TMPRSS12: variants seen among roughly 807,000 people sequenced by gnomAD.
The protein encoded by TMPRSS12 is transmembrane protease serine 12.
TMPRSS12 carries 25 observed loss-of-function variants against 26.0 expected under a neutral mutation model. That is an observed-to-expected ratio of 0.96 (90% CI 0.70 to 1.34). The LOEUF (loss-of-function observed/expected upper bound fraction) is 1.34. Ranked by LOEUF, TMPRSS12 falls within the 40% of genes most tolerant of loss-of-function variation. The pLI is 0.00. For missense variants in TMPRSS12, 441 were observed against 440.1 expected, an observed-to-expected ratio of 1.00 and a Z score of -0.02; for synonymous variants, 150 against 161.7, an observed-to-expected ratio of 0.93 and a Z score of 0.55.
intron 3 of TMPRSS12, among the ~76,000 whole-genome samples, chr12:50,862,074 C>T (rs751032415): frequency 5.3e-5 from 8 of 152,202 alleles, no homozygotes; most frequent in Non-Finnish European, 1.0e-4. Flanking sequence ...TCCCAAAGTG[C>T]TGGGATTACA....
At chr12:50,863,188 C>A (rs1937954940) in intron 3 of TMPRSS12, among the ~76,000 whole-genome samples, 1 of 151,534 alleles carries the variant, frequency 6.6e-6, no homozygotes, top group Non-Finnish European at 1.5e-5. Context: ...AAAAAGGAAG[C>A]TGGAATGGAA....
chr12:50,857,050 T>C (rs1170591702), intron 2 of TMPRSS12, among the ~76,000 whole-genome samples: 14 of 152,208 alleles, frequency 9.2e-5, no homozygotes, highest in Admixed American at 7.9e-4. Context: ...AAGAATCATT[T>C]ATTACACTTC....
In TMPRSS12 at chr12:50,885,272, G is replaced by A. The variant is rs1330739463; in HGVS notation, c.679G>A (p.Ala227Thr). The change falls in exon 4 of 5, where the codon GCA becomes ACA. Residue 227 changes from alanine (A) to threonine (T), a missense_variant. Coordinates refer to ENST00000398458, the MANE Select transcript of TMPRSS12 (RefSeq NM_182559.3). ...TAACGCTACAAATATTTTACAAGAT[G>A]CAGAAGTGCATTATATTTCTCGAGA... is the stretch of plus-strand genomic sequence containing the variant. Reference protein sequence around the residue: ...EGNATNILQDAEVHYISREMC... With the variant: ...EGNATNILQDTEVHYISREMC... 1 of 1,607,980 alleles carries A rather than the reference G, an allele frequency of 6.2e-7. No individual in the cohort carries two copies. Among genetic ancestry groups the A allele is most frequent in the South Asian group, 1.1e-5 (1 of 89,162 alleles).
rs752177223 is a variant in TMPRSS12 at position 50,843,143 on chromosome 12, A to T, written c.179A>T (p.His60Leu). 8 of 1,565,030 alleles carry T rather than the reference A, an allele frequency of 5.1e-6. No homozygotes were observed. The highest frequency in any genetic ancestry group is 6.9e-6 in the Non-Finnish European group (8 of 1,154,200). ...RLRRRREGGA[H>L]AEDCGTAPLK... ...CGGCGGCGGAGGGAGGGAGGGGCGC[A>T]TGCAGAGGGCAGTACCTGTTCGTGC... The change falls in exon 1 of 5, where the codon CAT (histidine) becomes CTT (leucine). Residue 60 changes from histidine (H) to leucine (L), a missense_variant. His to Leu is a moderately conservative substitution (Grantham distance 99, BLOSUM62 -3). Transcript: ENST00000398458.
intron 3 of TMPRSS12, among the ~76,000 whole-genome samples, chr12:50,884,623 G>A (rs576191814): frequency 1.3e-4 from 20 of 152,258 alleles, no homozygotes; most frequent in African/African-American, 4.1e-4. Flanking sequence ...TGTAATCCTA[G>A]CACTTTGGGA....
At chr12:50,866,586 T>C (rs1035707499) in intron 3 of TMPRSS12, among the ~76,000 whole-genome samples, 1 of 151,536 alleles carries the variant, frequency 6.6e-6, no homozygotes, top group African/African-American at 2.4e-5. Flanking sequence ...CCTTGAGAGT[T>C]CTAGGGCCCT....
At chr12:50,854,033 T>A (rs767769301) in intron 2 of TMPRSS12, among the ~76,000 whole-genome samples, 8 of 152,038 alleles carry the variant, frequency 5.3e-5, no homozygotes, top group Non-Finnish European at 1.2e-4. Flanking sequence ...AAAAGAAAAT[T>A]TCAGGCCAAT....
At chr12:50,882,636 G>A (rs61932617) in intron 3 of TMPRSS12, among the ~76,000 whole-genome samples, 7 of 24,442 alleles carry the variant, frequency 2.9e-4, no homozygotes, top group South Asian at 1.8e-3. Flanking sequence ...TAGACAAAAC[G>A]AATAAATTCC....
chr12:50,854,064 C>G (rs1301644681), intron 2 of TMPRSS12, among the ~76,000 whole-genome samples: 1 of 152,076 alleles, frequency 6.6e-6, no homozygotes, highest in Non-Finnish European at 1.5e-5. Flanking sequence ...AACACAGATG[C>G]AGAAATACTC....
chr12:50,854,417 A>G (rs931259863), intron 2 of TMPRSS12, among the ~76,000 whole-genome samples: 2 of 152,134 alleles, frequency 1.3e-5, no homozygotes, highest in Non-Finnish European at 2.9e-5. Flanking sequence ...GATGCCCACT[A>G]TCACCACTCT....
At chr12:50,867,897 T>G (rs1260335174) in intron 3 of TMPRSS12, among the ~76,000 whole-genome samples, 1 of 152,244 alleles carries the variant, frequency 6.6e-6, no homozygotes, top group East Asian at 1.9e-4. Context: ...AAAGGAGAGA[T>G]AGAGTCTTTT....
chr12:50,851,102 A>T (rs551890307), intron 2 of TMPRSS12, among the ~76,000 whole-genome samples: 1 of 152,354 alleles, frequency 6.6e-6, no homozygotes, highest in Non-Finnish European at 1.5e-5. Context: ...GTCCACACAG[A>T]TGAGAAAGAA....
At chr12:50,879,998 T>C (rs550553621) in intron 3 of TMPRSS12, among the ~76,000 whole-genome samples, 5 of 151,780 alleles carry the variant, frequency 3.3e-5, no homozygotes, top group East Asian at 3.9e-4. Flanking sequence ...AAAAATTGGA[T>C]AAAGATTTGA....
intron 3 of TMPRSS12, among the ~76,000 whole-genome samples, chr12:50,880,962 A>ATTTTTTT (rs1443301507): frequency 2.0e-5 from 2 of 99,164 alleles, no homozygotes; most frequent in Admixed American, 1.2e-4. Flanking sequence ...GGAATCAGTA[A>ATTTTTTT]TTTCTTTTTT....
intron 2 of TMPRSS12, among the ~76,000 whole-genome samples, chr12:50,851,064 A>G (rs370037153): frequency 5.9e-5 from 9 of 152,352 alleles, no homozygotes; most frequent in Admixed American, 5.2e-4. Flanking sequence ...TCCAAAGGAC[A>G]GCAACTTCAA....
rs869152225 is a variant in TMPRSS12, at chr12:50,880,966, CTTTTTTTTTTTTTTTTT to C, written c.653-4263_653-4247del. Reference sequence around the variant, plus strand: ...CTATAGAGACAGGAATCAGTAATTTCTTTTTTTTTTTTTTTTTTTTTTTTTTTTTTTTTGAGACAGAG... The same window carrying C: ...CTATAGAGACAGGAATCAGTAATTTCTTTTTTTTTTTTTTTTGAGACAGAG... On this transcript the variant is annotated intron_variant, in intron 3 of 4. Coordinates refer to ENST00000398458, the MANE Select transcript of TMPRSS12 (RefSeq NM_182559.3). Among the ~76,000 whole-genome samples the C allele has an allele frequency of 2.7e-3, 168 of 61,814 alleles. 1 individual carries two copies. The highest frequency in any genetic ancestry group is 8.4e-3 in the African/African-American group (138 of 16,360). 40.6% of individuals were successfully genotyped at this position (61,814 alleles called of 152,430 possible).
At chr12:50,885,603 CT>C (rs777818845) in intron 4 of TMPRSS12, 50 of 629,818 alleles carry the variant, frequency 7.9e-5, no homozygotes, top group African/African-American at 5.5e-4. Context: ...ACCTTGAATT[CT>C]TTTTTTTAAT....
chr12:50,849,464 C>T (rs887976867), intron 2 of TMPRSS12, among the ~76,000 whole-genome samples: 13 of 151,784 alleles, frequency 8.6e-5, no homozygotes, highest in African/African-American at 3.1e-4. Flanking sequence ...TGTAGATAGT[C>T]ATGTAATTAC....
chr12:50,887,537 C>A lies in TMPRSS12; in HGVS notation c.*24C>A. ...AAAGAAATTCTGAAGGCTTTCATAT[C>A]TTTATTTTGCATTGTGTCCCTTTCT... On this transcript the variant is annotated 3_prime_UTR_variant, in exon 5 of 5. Coordinates refer to ENST00000398458, the MANE Select transcript of TMPRSS12 (RefSeq NM_182559.3). 1 of 1,600,366 alleles carries A rather than the reference C, an allele frequency of 6.2e-7. No homozygotes were observed. The highest frequency in any genetic ancestry group is 1.1e-5 in the South Asian group (1 of 88,416).
Sources: gnomAD v4.1 joint callset for allele counts (sites outside exome capture counted in the v4.1 genomes callset) on GRCh38, gnomAD v4.1.1 for gene constraint, MANE v1.5 for transcripts, NCBI Gene and HGNC (gene_info 2026-07-23, HGNC 2026-07-21) for gene names.